NOSTRIN: variants seen among roughly 807,000 people sequenced by gnomAD.
The protein encoded by NOSTRIN is BM247 homolog.
Under a neutral mutation model 59.0 loss-of-function variants are expected in NOSTRIN, and 63 were observed. That is an observed-to-expected ratio of 1.07 (90% CI 0.87 to 1.32). The LOEUF (loss-of-function observed/expected upper bound fraction) is 1.32, where lower values mean the gene tolerates loss of function less well. Among genes scored for constraint, NOSTRIN ranks in the 40% most tolerant of loss-of-function variants. The probability of loss-of-function intolerance (pLI) is 0.00; values close to 1 mark genes in which losing one functional copy is unlikely to be tolerated. For synonymous variants in NOSTRIN, 200 were observed against 165.4 expected (o/e 1.21, Z -1.61); for missense variants, 512 against 473.1 (o/e 1.08, Z -0.76).
intron 7 of NOSTRIN, among the ~76,000 whole-genome samples, chr2:168,839,596 C>T (rs1687941051): frequency 2.0e-5 from 3 of 152,060 alleles, no homozygotes; most frequent in African/African-American, 7.2e-5. Flanking sequence ...GTAAAGGTTT[C>T]TGAGAAGTTC....
upstream of NOSTRIN, among the ~76,000 whole-genome samples, chr2:168,797,005 G>A (rs1685495322): frequency 6.6e-6 from 1 of 151,786 alleles, no homozygotes; most frequent in Non-Finnish European, 1.5e-5. Context: ...TTGGCTATGA[G>A]GAGCTCACTG....
At chr2:168,838,103 G>A (rs2105692242) in intron 7 of NOSTRIN, among the ~76,000 whole-genome samples, 1 of 152,294 alleles carries the variant, frequency 6.6e-6, no homozygotes, top group East Asian at 1.9e-4. Context: ...CAGTATCTAT[G>A]CTGGCAATAC....
intron 2 of NOSTRIN, among the ~76,000 whole-genome samples, chr2:168,789,698 T>C (rs1312896302): frequency 6.6e-6 from 1 of 152,160 alleles, no homozygotes; most frequent in Non-Finnish European, 1.5e-5. Flanking sequence ...GCTACTACTA[T>C]CACAACCAAT....
At chr2:168,797,019 A>C (rs1685495654), upstream of NOSTRIN, among the ~76,000 whole-genome samples, 1 of 150,922 alleles carries the variant, frequency 6.6e-6, no homozygotes, top group Non-Finnish European at 1.5e-5. Flanking sequence ...CTCACTGAGT[A>C]CTGTGGGAGG....
intron 3 of NOSTRIN, among the ~76,000 whole-genome samples, chr2:168,827,663 G>T (rs1255232802): frequency 6.6e-6 from 1 of 151,912 alleles, no homozygotes; most frequent in Non-Finnish European, 1.5e-5. Flanking sequence ...AGCTTCCTGG[G>T]CTCAAGCAAT....
At chr2:168,819,008 T>C (rs192280199) in intron 2 of NOSTRIN, among the ~76,000 whole-genome samples, 9 of 150,646 alleles carry the variant, frequency 6.0e-5, no homozygotes, top group African/African-American at 2.2e-4. Flanking sequence ...GAGAAGGCAT[T>C]TTAAGTTGTA....
At chr2:168,818,448 TCCTGG>T (rs1686540459) in intron 2 of NOSTRIN, among the ~76,000 whole-genome samples, 1 of 152,190 alleles carries the variant, frequency 6.6e-6, no homozygotes, top group Admixed American at 6.5e-5. Context: ...AAGTCACTGC[TCCTGG>T]CCTTAACTCC....
chr2:168,808,009 T>C (rs573208029), intron 1 of NOSTRIN, among the ~76,000 whole-genome samples: 8 of 152,308 alleles, frequency 5.3e-5, no homozygotes, highest in East Asian at 1.9e-4. Context: ...CTGAAGGCAA[T>C]TGAGTTTTCA....
Position 168,811,562 on chromosome 2 carries a change from T to C in NOSTRIN, c.28-5T>C. On this transcript the variant is annotated splice_region_variant and splice_polypyrimidine_tract_variant and intron_variant, in intron 1 of 15. Transcript: ENST00000317647. ...TGTTTTTTTGTTATTGTTCTTGTTT[T>C]TCAGTATAATAAAGTATACAAGAAC... 2.5e-6 allele frequency: 2 copies of C among 814,554 alleles called. No individual in the cohort carries two copies. Among genetic ancestry groups the C allele is most frequent in the Non-Finnish European group, 4.2e-6 (2 of 476,560 alleles). 50.5% of individuals were successfully genotyped at this position (814,554 alleles called of 1,614,324 possible). A position where few individuals can be genotyped will look rare whatever the true frequency, so the allele number is the denominator to read the frequency against.
Position 168,788,393 on chromosome 2 carries a change from T to G in NOSTRIN, c.-473+345T>G, listed in dbSNP as rs377610432. On this transcript the variant is annotated intron_variant, in intron 2 of 20. Coordinates refer to the NOSTRIN transcript ENST00000458381. The stretch of plus-strand genomic sequence containing the variant: ...TATCTCTGCTAGGTGAGGGAATCAC[T>G]GTGGCCCGGAGTGGAATGATGGGAG... 1.6e-4 allele frequency among the ~76,000 whole-genome samples: 25 copies of G among 152,320 alleles called. No homozygotes were observed. In the East Asian group the frequency reaches 3.5e-3, roughly 21 times the overall value.
chr2:168,860,598 G>A (rs1401805040), intron 13 of NOSTRIN, among the ~76,000 whole-genome samples, 197 bp from the exon 14 acceptor site: 1 of 151,966 alleles, frequency 6.6e-6, no homozygotes, highest in African/African-American at 2.4e-5. Context: ...TTGAACCCGG[G>A]AGGTGGAGGT....
At chr2:168,832,920 C>A (rs1687450643) in intron 6 of NOSTRIN, among the ~76,000 whole-genome samples, 1 of 152,082 alleles carries the variant, frequency 6.6e-6, no homozygotes, top group African/African-American at 2.4e-5. Flanking sequence ...CTACACCTGG[C>A]CTTTAAAAGG....
At chr2:168,856,654 T>C in intron 11 of NOSTRIN, 36 bp from the exon 12 acceptor site, 1 of 1,582,354 alleles carries the variant, frequency 6.3e-7, no homozygotes, top group Non-Finnish European at 8.7e-7. Flanking sequence ...ACTGAGACAG[T>C]GTGAAAGGTG....
intron 8 of NOSTRIN, among the ~76,000 whole-genome samples, chr2:168,846,229 A>G (rs1014569698): frequency 6.6e-6 from 1 of 152,254 alleles, no homozygotes; most frequent in African/African-American, 2.4e-5. Flanking sequence ...CATATAACAA[A>G]AACAGCCTGA....
chr2:168,813,597 T>C (rs1223875146), intron 2 of NOSTRIN, among the ~76,000 whole-genome samples: 3 of 152,096 alleles, frequency 2.0e-5, no homozygotes, highest in African/African-American at 7.2e-5. Flanking sequence ...AACCCTCCAT[T>C]CACTTATTCT....
At chr2:168,858,072 C>T (rs16856059) in intron 12 of NOSTRIN, among the ~76,000 whole-genome samples, 3,088 of 152,276 alleles carry the variant, frequency 0.02, 71 homozygotes, top group East Asian at 0.055. Flanking sequence ...TTTCTGTGAC[C>T]GCACAAGCTG....
chr2:168,822,104 T>A (rs906296579), intron 2 of NOSTRIN, among the ~76,000 whole-genome samples: 28 of 152,232 alleles, frequency 1.8e-4, no homozygotes, highest in African/African-American at 6.5e-4. Flanking sequence ...TAACCAGCAC[T>A]CTTTTTCTCT....
chr2:168,840,143 C>T (rs1419255865), intron 7 of NOSTRIN, among the ~76,000 whole-genome samples: 1 of 151,962 alleles, frequency 6.6e-6, no homozygotes, highest in Non-Finnish European at 1.5e-5. Flanking sequence ...ATAACCATGA[C>T]TCTCTTTGAG....
intron 15 of NOSTRIN, 66 bp from the exon 16 acceptor site, chr2:168,864,768 T>C (rs1574351627): frequency 7.0e-6 from 11 of 1,577,576 alleles, no homozygotes; most frequent in Middle Eastern, 1.7e-4. Context: ...CTTAAAACTC[T>C]TATCAATCGG....
Sources: allele counts gnomAD v4.1 joint callset (sites outside exome capture counted in the v4.1 genomes callset), GRCh38; gene constraint gnomAD v4.1.1; transcripts MANE v1.5; gene names NCBI Gene and HGNC (gene_info 2026-07-23, HGNC 2026-07-21).